Variants in DPP6 observed in about 807,000 individuals in gnomAD.
DPP6 encodes dipeptidyl peptidase like 6, also known as A-type potassium channel modulatory protein DPP6.
Under a neutral mutation model 122.6 loss-of-function variants are expected in DPP6, and 69 were observed. The observed-to-expected ratio is 0.56, with a 90% CI of 0.46 to 0.69. The LOEUF (loss-of-function observed/expected upper bound fraction) is 0.69. Ranked by LOEUF, DPP6 falls within the 30% of genes least tolerant of loss-of-function variation. The pLI, the probability that DPP6 is intolerant of heterozygous loss-of-function variation, is 0.00. For missense variants in DPP6, 928 were observed against 1,116.9 expected (o/e 0.83, Z 2.41); for synonymous variants, 418 against 433.1 (o/e 0.97, Z 0.43).
At chr7:154,710,916 G>A (rs1002072399) in intron 7 of DPP6, among the ~76,000 whole-genome samples, 2 of 152,182 alleles carry the variant, frequency 1.3e-5, no homozygotes, top group Non-Finnish European at 2.9e-5. Context: ...CCTGTTCTGT[G>A]CTTCGCCCTA....
chr7:154,344,515 T>C (rs146021404), intron 1 of DPP6, among the ~76,000 whole-genome samples: 73 of 152,222 alleles, frequency 4.8e-4, no homozygotes, highest in Non-Finnish European at 7.1e-4. Context: ...GGAGGTTCCT[T>C]AACAAACTGA....
chr7:154,554,695 T>C (rs1441179642), intron 4 of DPP6, among the ~76,000 whole-genome samples: 4 of 152,202 alleles, frequency 2.6e-5, no homozygotes, highest in Non-Finnish European at 4.4e-5. Context: ...ATATAACTGG[T>C]AGCCCCAGAT....
the DPP6 span, among the ~76,000 whole-genome samples, chr7:153,872,299 AT>A: frequency 1.1e-4 from 17 of 152,176 alleles, no homozygotes; most frequent in Non-Finnish European, 1.9e-4. Context: ...AGGTGCACTT[AT>A]ATCTTGTATA....
At chr7:154,799,145 C>T (rs1798206667) in intron 12 of DPP6, among the ~76,000 whole-genome samples, 1 of 152,124 alleles carries the variant, frequency 6.6e-6, no homozygotes, top group Admixed American at 6.6e-5. Flanking sequence ...TCCAAGGACC[C>T]GGTGCAAGAA....
chr7:154,031,861 GTTT>G (rs570904091), intron 1 of DPP6, among the ~76,000 whole-genome samples: 1,578 of 120,308 alleles, frequency 0.013, 37 homozygotes, highest in African/African-American at 0.047. Context: ...CCTTTTTTTT[GTTT>G]TTTTTTTTTT....
In DPP6 at chr7:153,999,007, C is replaced by T. The variant is rs554023396; in HGVS notation, c.51+111273C>T. On this transcript the variant is annotated intron_variant, in intron 1 of 25. Coordinates refer to the DPP6 transcript ENST00000404039. ...TCTGTGAGACTCTCAAGTGACTTAA[C>T]GTGGCTGGCCGATGACTGATTCCTT... is the stretch of plus-strand genomic sequence containing the variant. 4.6e-5 allele frequency among the ~76,000 whole-genome samples: 7 copies of T among 152,346 alleles called. No homozygotes were observed. The East Asian group carries it at 5.8e-4, about 13-fold the overall frequency.
At position 154,727,606 on chromosome 7, in the gene DPP6, G is replaced by A. The variant is rs369416149; in HGVS notation, c.763-161G>A. ...TAATCCTTACAGGTATATTCTGTTC[G>A]AGGTGGGTAGACCTCCAAGAATTTT... On this transcript the variant is annotated intron_variant, in intron 7 of 25. Coordinates refer to ENST00000377770, the MANE Select transcript of DPP6 (RefSeq NM_130797.4). 1.4e-4 allele frequency among the ~76,000 whole-genome samples: 22 copies of A among 152,260 alleles called. No individual in the cohort carries two copies. The South Asian group carries it at 3.3e-3, about 23-fold the overall frequency.
At position 154,436,670 on chromosome 7, in the gene DPP6, C is replaced by A. The variant is rs183047615; in HGVS notation, c.244-9544C>A. Among the ~76,000 whole-genome samples the A allele has an allele frequency of 1.2e-3, 190 of 152,208 alleles. 1 individual carries two copies. In the Middle Eastern group the frequency reaches 0.024, roughly 19 times the overall value. On this transcript the variant is annotated intron_variant, in intron 1 of 25. Transcript: ENST00000377770. ...CTCACAGCTTAATGGGTGAGTGTAA[C>A]CTGAATTTCCTAATGTGAAATAGCC...
chr7:153,897,968 A>G (rs1799480577), intron 1 of DPP6, among the ~76,000 whole-genome samples: 1 of 152,224 alleles, frequency 6.6e-6, no homozygotes, highest in Non-Finnish European at 1.5e-5. Context: ...TGTGTGGATA[A>G]GGAGCAATGA....
intron 1 of DPP6, among the ~76,000 whole-genome samples, chr7:154,208,468 C>T (rs571583598): frequency 1.9e-4 from 29 of 152,238 alleles, no homozygotes; most frequent in Non-Finnish European, 2.9e-4. Flanking sequence ...CCATCTGCAG[C>T]GTGCAAAGTG....
Position 154,313,712 on chromosome 7 carries a change from TATAC to T in DPP6, c.244-132500_244-132497del, listed in dbSNP as rs1313584314. 7.2e-4 allele frequency among the ~76,000 whole-genome samples: 18 copies of T among 24,924 alleles called. 6 individuals are homozygous for T. The highest frequency in any genetic ancestry group is 0.071 in the Middle Eastern group (2 of 28). 16.4% of individuals were successfully genotyped at this position (24,924 alleles called of 152,430 possible). A position where few individuals can be genotyped will look rare whatever the true frequency, so the allele number is the denominator to read the frequency against. On this transcript the variant is annotated intron_variant, in intron 1 of 25. Coordinates refer to ENST00000377770, the MANE Select transcript of DPP6 (RefSeq NM_130797.4). ...ATATATATATATATATATATATATA[TATAC>T]ACACACACGCACGCACACACACACA... is the stretch of plus-strand genomic sequence containing the variant.
At chr7:154,433,068 A>G (rs1036865362) in intron 1 of DPP6, among the ~76,000 whole-genome samples, 2 of 151,790 alleles carry the variant, frequency 1.3e-5, no homozygotes, top group African/African-American at 2.4e-5. Context: ...GGGCTTTACC[A>G]AACTGACTTA....
At chr7:154,685,399 G>C (rs1839536785) in intron 7 of DPP6, among the ~76,000 whole-genome samples, 1 of 152,216 alleles carries the variant, frequency 6.6e-6, no homozygotes, top group East Asian at 1.9e-4. Flanking sequence ...TACGAATGCT[G>C]TGGCTGCATG....
intron 8 of DPP6, among the ~76,000 whole-genome samples, chr7:154,729,972 A>G (rs1261579943): frequency 1.3e-5 from 2 of 152,214 alleles, no homozygotes; most frequent in Non-Finnish European, 2.9e-5. Flanking sequence ...CAGCTCCACC[A>G]AAGAGGTACA....
chr7:154,230,309 C>G (rs976059181), intron 1 of DPP6, among the ~76,000 whole-genome samples: 9 of 152,348 alleles, frequency 5.9e-5, no homozygotes, highest in Non-Finnish European at 1.2e-4. Flanking sequence ...TGATAATCAA[C>G]AAACTATTTC....
chr7:154,204,691 AT>A (rs1799344481), intron 1 of DPP6, among the ~76,000 whole-genome samples: 1 of 151,964 alleles, frequency 6.6e-6, no homozygotes, highest in South Asian at 2.1e-4. Flanking sequence ...GGGAAAGTGT[AT>A]TTCTTTTCTG....
rs556630268 is a variant in DPP6 at position 154,848,673 on chromosome 7, C to A, written c.1667-5107C>A. Among the ~76,000 whole-genome samples the A allele has an allele frequency of 5.9e-5, 9 of 152,198 alleles. No homozygotes were observed. The East Asian group carries it at 1.6e-3, about 26-fold the overall frequency. ...TGCAGAAATTTAGGATGATGCAATC[C>A]CGTTCACCTAGCTTTGCTTTTGTTG... On this transcript the variant is annotated intron_variant, in intron 16 of 25. Coordinates refer to ENST00000377770, the MANE Select transcript of DPP6 (RefSeq NM_130797.4).
chr7:154,587,212 G>A (rs923544200), intron 5 of DPP6: 5 of 207,216 alleles, frequency 2.4e-5, no homozygotes, highest in Non-Finnish European at 2.9e-5. Context: ...GCTGCACTTC[G>A]GTGGACTCTC....
At chr7:154,179,037 T>C (rs1797948373) in intron 1 of DPP6, among the ~76,000 whole-genome samples, 1 of 152,180 alleles carries the variant, frequency 6.6e-6, no homozygotes, top group Admixed American at 6.5e-5. Context: ...GCAACAGGGC[T>C]GACACACCTT....
Sources: gnomAD v4.1 joint callset for allele counts (sites outside exome capture counted in the v4.1 genomes callset) on GRCh38, gnomAD v4.1.1 for gene constraint, MANE v1.5 for transcripts, NCBI Gene and HGNC (gene_info 2026-07-23, HGNC 2026-07-21) for gene names.